CSPP1: variants seen among roughly 807,000 people sequenced by gnomAD.
The protein encoded by CSPP1 is centrosome and spindle pole associated protein 1, also known as centrosome and spindle pole-associated protein 1.
CSPP1 carries 126 observed loss-of-function variants against 164.4 expected under a neutral mutation model. The ratio of observed to expected loss-of-function variants is 0.77; its 90% confidence interval spans 0.66 to 0.89. CSPP1 has a LOEUF of 0.89. Ranked by LOEUF, CSPP1 falls within the 40% of genes least tolerant of loss-of-function variation. The pLI is 0.00. For missense variants in CSPP1, 1,395 were observed against 1,449.8 expected (o/e 0.96, Z 0.61); for synonymous variants, 472 against 476.7 (o/e 0.99, Z 0.13).
rs751181217 is a variant in CSPP1, at chr8:67,118,207, A to G, written c.1497-41A>G. ...CATCTTGATTTTTTAAAAAATTGCAATGAAATATGAGAGGAATTTTTCATC... is the reference window on the plus strand; with the variant it reads ...CATCTTGATTTTTTAAAAAATTGCAGTGAAATATGAGAGGAATTTTTCATC... On this transcript the variant is annotated intron_variant, in intron 13 of 30. Transcript: ENST00000678616. 1.1e-5 allele frequency: 17 copies of G among 1,603,636 alleles called. No individual in the cohort carries two copies. The East Asian group carries it at 1.6e-4, about 15-fold the overall frequency.
chr8:67,081,903 C>T (rs1418315850), intron 3 of CSPP1, among the ~76,000 whole-genome samples: 1 of 152,144 alleles, frequency 6.6e-6, no homozygotes, highest in East Asian at 1.9e-4. Context: ...GGCCACCATG[C>T]CTAATTTTTA....
At chr8:67,072,219 A>G (rs1456922549) in intron 1 of CSPP1, among the ~76,000 whole-genome samples, 1 of 151,880 alleles carries the variant, frequency 6.6e-6, no homozygotes, top group Non-Finnish European at 1.5e-5. Context: ...TTTGAACCCA[A>G]GAGGCGGAGG....
chr8:67,069,981 T>TAAATTCTGTGCA (rs1806380852), intron 1 of CSPP1, among the ~76,000 whole-genome samples: 1 of 152,126 alleles, frequency 6.6e-6, no homozygotes, highest in African/African-American at 2.4e-5. Context: ...CATTTCTGTT[T>TAAATTCTGTGCA]AAATTCTGTG....
chr8:67,160,663 C>T (rs1828163366), intron 21 of CSPP1, among the ~76,000 whole-genome samples: 1 of 151,372 alleles, frequency 6.6e-6, no homozygotes, highest in Non-Finnish European at 1.5e-5. Context: ...ATTAACATTG[C>T]TATCATTTTC....
At chr8:67,134,704 C>T (rs1821899942) in intron 16 of CSPP1, among the ~76,000 whole-genome samples, 1 of 151,804 alleles carries the variant, frequency 6.6e-6, no homozygotes, top group African/African-American at 2.4e-5. Context: ...GGACTATAGG[C>T]GCCTGCCACC....
At chr8:67,170,463 T>A (rs865848646) in intron 24 of CSPP1, among the ~76,000 whole-genome samples, 29 of 151,500 alleles carry the variant, frequency 1.9e-4, no homozygotes, top group Middle Eastern at 6.9e-3. Context: ...CAAAAAAAAA[T>A]TTTTTTATCT....
At position 67,154,037 on chromosome 8, in the gene CSPP1, A is replaced by G; in HGVS notation, c.2142A>G (p.Thr714=). ...ATTTCTTTCAAGGTCATATGCAAAC[A>G]CAGAGCTCTCCTTTTGCTCGGGGAA... is the stretch of plus-strand genomic sequence containing the variant. ...AANKSSGHMQ[T]QSSPFARGNV... is the part of the protein sequence containing the mutation. The change falls in exon 19 of 31, where the codon ACA becomes ACG. Residue 714 remains threonine (T), a synonymous_variant. Transcript: ENST00000678616. 6.3e-7 allele frequency: 1 copy of G among 1,590,396 alleles called. No homozygotes were observed. The highest frequency in any genetic ancestry group is 1.1e-5 in the South Asian group (1 of 90,120).
intron 11 of CSPP1, 24 bp downstream of exon 11, chr8:67,113,886 A>G: frequency 6.9e-7 from 1 of 1,447,400 alleles, no homozygotes; most frequent in African/African-American, 1.4e-5. Context: ...GCATCTTTTA[A>G]TGTTTAATCT....
At position 67,091,863 on chromosome 8, in the gene CSPP1, G is replaced by A. The variant is rs1198162871; in HGVS notation, c.364G>A (p.Gly122Ser). ...PSTLGVSLPI[G>S]ERLSAKERLK... The stretch of plus-strand genomic sequence containing the variant: ...TACTTTGGGAGTTTCTCTTCCTATT[G>A]GTGAGAGGTTATCTGCTAAGGTAGG... Residue 122 changes from glycine to serine, a missense_variant, in exon 5 of 31, where the codon GGT becomes AGT. Physicochemically the swap from Gly to Ser is moderately conservative, Grantham distance 56. Transcript: ENST00000678616. 7.4e-7 allele frequency: 1 copy of A among 1,345,738 alleles called. No homozygotes were observed. 83.4% of individuals were successfully genotyped at this position (1,345,738 alleles called of 1,614,324 possible). A position where few individuals can be genotyped will look rare whatever the true frequency, so the allele number is the denominator to read the frequency against.
chr8:67,102,983 A>G, intron 7 of CSPP1, 54 bp from the exon 8 acceptor site: 1 of 1,014,462 alleles, frequency 9.9e-7, no homozygotes, highest in Non-Finnish European at 1.5e-6. Context: ...CCAAACTGTT[A>G]TAAGAAGGTC....
At chr8:67,087,136 T>TG (rs6150632) in intron 4 of CSPP1, among the ~76,000 whole-genome samples, 1 of 152,092 alleles carries the variant, frequency 6.6e-6, no homozygotes, top group African/African-American at 2.4e-5. Context: ...TGCAGTTAAG[T>TG]CTGTTTTCAG....
At chr8:67,077,815 A>T (rs973241960) in intron 3 of CSPP1, among the ~76,000 whole-genome samples, 1 of 152,296 alleles carries the variant, frequency 6.6e-6, no homozygotes, top group East Asian at 1.9e-4. Flanking sequence ...ATACAAGGGG[A>T]TGCCGGCCAA....
chr8:67,124,588 A>G (rs1422164056), intron 15 of CSPP1, among the ~76,000 whole-genome samples: 3 of 151,042 alleles, frequency 2.0e-5, no homozygotes, highest in Admixed American at 6.6e-5. Flanking sequence ...GCAAGCTTGA[A>G]CTCCTGGGCT....
At chr8:67,165,304 A>G (rs868569301) in intron 24 of CSPP1, among the ~76,000 whole-genome samples, 1 of 152,212 alleles carries the variant, frequency 6.6e-6, no homozygotes, top group African/African-American at 2.4e-5. Context: ...GTTGCAAACA[A>G]TACAGAGAGT....
chr8:67,117,636 G>A (rs781565552), intron 13 of CSPP1, among the ~76,000 whole-genome samples: 1 of 152,140 alleles, frequency 6.6e-6, no homozygotes, highest in Non-Finnish European at 1.5e-5. Flanking sequence ...AAATACACTC[G>A]TTTCCTCAGT....
At chr8:67,187,861 G>A (rs192730582) in intron 28 of CSPP1, among the ~76,000 whole-genome samples, 1 of 152,110 alleles carries the variant, frequency 6.6e-6, no homozygotes, top group Non-Finnish European at 1.5e-5. Flanking sequence ...TAGATCTTAC[G>A]CCCTTCACAA....
intron 15 of CSPP1, 101 bp downstream of exon 15, chr8:67,118,922 T>G: frequency 1.4e-6 from 1 of 735,192 alleles, no homozygotes. Flanking sequence ...GTATACTATT[T>G]AGTGGTATTT....
At chr8:67,104,473 C>T (rs1814930342) in intron 8 of CSPP1, among the ~76,000 whole-genome samples, 1 of 151,912 alleles carries the variant, frequency 6.6e-6, no homozygotes, top group Non-Finnish European at 1.5e-5. Context: ...CTCTGTTGTC[C>T]AGGCTGGTCT....
chr8:67,162,024 T>A, intron 22 of CSPP1, 109 bp downstream of exon 22: 1 of 712,076 alleles, frequency 1.4e-6, no homozygotes, highest in Non-Finnish European at 2.4e-6. Context: ...TTTTTTCAGA[T>A]CTGAAATATA....
Sources: gnomAD v4.1 joint callset for allele counts (sites outside exome capture counted in the v4.1 genomes callset) on GRCh38, gnomAD v4.1.1 for gene constraint, MANE v1.5 for transcripts, NCBI Gene and HGNC (gene_info 2026-07-23, HGNC 2026-07-21) for gene names.